KCNC4: variants seen among roughly 807,000 people sequenced by gnomAD.
The protein encoded by KCNC4 is potassium voltage-gated channel subfamily C member 4.
KCNC4 carries 23 observed loss-of-function variants against 42.8 expected under a neutral mutation model. That is an observed-to-expected ratio of 0.54 (90% CI 0.39 to 0.76). The LOEUF (loss-of-function observed/expected upper bound fraction) is 0.76. Among genes scored for constraint, KCNC4 ranks in the 30% least tolerant of loss-of-function variants. The pLI is 0.00. For synonymous variants in KCNC4, 422 were observed against 393.5 expected (o/e 1.07, Z -0.86); for missense variants, 751 against 898.2 (o/e 0.84, Z 2.10).
At chr1:110,259,539 G>T (rs1302229285) in intron 1 of KCNC4, among the ~76,000 whole-genome samples, 1 of 152,180 alleles carries the variant, frequency 6.6e-6, no homozygotes, top group East Asian at 1.9e-4. Flanking sequence ...TGAAATGTAG[G>T]TTCAGGGCTC....
Position 110,211,268 on chromosome 1 carries a change from C to G in KCNC4, c.-232C>G, listed in dbSNP as rs1402956007. The G allele has an allele frequency of 5.2e-6, 3 of 581,934 alleles. No individual in the cohort carries two copies. In the African/African-American group the frequency reaches 5.7e-5, roughly 11 times the overall value. 36.0% of individuals were successfully genotyped at this position (581,934 alleles called of 1,614,324 possible). On this transcript the variant is annotated 5_prime_UTR_variant, in exon 1 of 4. Transcript: ENST00000438661. This position sits in a 1 kb window ranked among gnomAD's most constrained non-coding sequence, Gnocchi z 6.5. ...GGGTCCTCCCTCTCTGCGCCTCCCT[C>G]TCTCCGGAGCTTCCTGCCCTAACCC...
intron 2 of KCNC4, chr1:110,225,773 G>A: frequency 1.8e-6 from 1 of 569,450 alleles, no homozygotes; most frequent in Non-Finnish European, 3.1e-6. Context: ...AGGCTGGGAG[G>A]GAAGTCAGTC....
At chr1:110,266,778 C>G (rs1360522161) in intron 1 of KCNC4, among the ~76,000 whole-genome samples, 1 of 152,180 alleles carries the variant, frequency 6.6e-6, no homozygotes, top group East Asian at 1.9e-4. Context: ...GTCTTGGCAT[C>G]TGTACCCCAA....
chr1:110,267,437 C>T (rs1452585071), intron 1 of KCNC4, among the ~76,000 whole-genome samples: 1 of 152,152 alleles, frequency 6.6e-6, no homozygotes, highest in African/African-American at 2.4e-5. Flanking sequence ...CCGCTGCCTC[C>T]ATGTCCTTCT....
chr1:110,223,385 T>A lies in KCNC4; in HGVS notation c.1100T>A (p.Leu367Gln). Residue 367 changes from leucine (L) to glutamine (Q), a missense_variant, in exon 2 of 4, where the codon CTA becomes CAA. By Grantham distance (113) the Leu-to-Gln change is moderately radical. Around this residue, in one of 4 missense-constraint regions of KCNC4, gnomAD observed 185 missense variants for 293.7 expected, o/e 0.63. Transcript: ENST00000438661. The surrounding 1 kb of genome is among the most constrained non-coding windows in gnomAD (Gnocchi z 7.5). ...IFKLTRHFVGLRVLGHTLRAS... is the reference protein window; with the variant it reads ...IFKLTRHFVGQRVLGHTLRAS... Reference sequence around the variant, plus strand: ...AAGCTCACACGCCACTTCGTGGGGCTACGCGTGCTGGGCCACACCCTGAGG... The same window carrying A: ...AAGCTCACACGCCACTTCGTGGGGCAACGCGTGCTGGGCCACACCCTGAGG... 6.8e-6 allele frequency: 11 copies of A among 1,613,932 alleles called. No individual in the cohort carries two copies. Among genetic ancestry groups the A allele is most frequent in the Non-Finnish European group, 9.3e-6 (11 of 1,179,962 alleles).
exon 2 of KCNC4, chr1:110,282,602 G>A (rs1659846221): frequency 1.3e-5 from 2 of 152,316 alleles, no homozygotes; most frequent in African/African-American, 4.8e-5. Flanking sequence ...CTGCTCTGCA[G>A]GCATGTGGCC....
downstream of KCNC4, among the ~76,000 whole-genome samples, chr1:110,249,617 G>C (rs1659217079): frequency 6.6e-6 from 1 of 152,120 alleles, no homozygotes. Flanking sequence ...TGATAATTAG[G>C]CATCAAGCTC....
At chr1:110,242,385 T>C (rs1659049156) in exon 4 of KCNC4, 1 of 152,308 alleles carries the variant, frequency 6.6e-6, no homozygotes, top group Non-Finnish European at 1.5e-5. Context: ...TTTGTGCTCT[T>C]GGATGAAACT....
intron 1 of KCNC4, among the ~76,000 whole-genome samples, chr1:110,255,753 T>G (rs1659319315): frequency 6.6e-6 from 1 of 152,124 alleles, no homozygotes; most frequent in African/African-American, 2.4e-5. Context: ...GGCCACAGCT[T>G]TCTCTCCTGA....
intron 1 of KCNC4, among the ~76,000 whole-genome samples, chr1:110,215,033 G>A (rs1467269870): frequency 2.6e-5 from 4 of 152,248 alleles, no homozygotes; most frequent in African/African-American, 7.2e-5. Context: ...GGAAGGGCCC[G>A]CAGCACTGTG....
chr1:110,215,628 C>T (rs913408752), intron 1 of KCNC4, among the ~76,000 whole-genome samples: 1 of 152,170 alleles, frequency 6.6e-6, no homozygotes, highest in Non-Finnish European at 1.5e-5. Flanking sequence ...GGAGGGGACC[C>T]ACAGGAACTC....
At chr1:110,214,897 G>A (rs910282027) in intron 1 of KCNC4, among the ~76,000 whole-genome samples, 17 of 152,172 alleles carry the variant, frequency 1.1e-4, no homozygotes, top group African/African-American at 4.1e-4. Context: ...ATGCCATGCG[G>A]GGAGTTCTGG....
chr1:110,226,279 G>T, intron 3 of KCNC4, 101 bp downstream of exon 3: 1 of 948,942 alleles, frequency 1.1e-6, no homozygotes, highest in Non-Finnish European at 1.7e-6. Flanking sequence ...TGAGACCGTG[G>T]CCGCCATCTC....
In KCNC4 at chr1:110,211,991, G is replaced by A; in HGVS notation, c.492G>A (p.Pro164=). 6.2e-7 allele frequency: 1 copy of A among 1,608,834 alleles called. No individual in the cohort carries two copies. The change falls in exon 1 of 4, where the codon CCG becomes CCA. Residue 164 remains proline, a synonymous_variant. Coordinates refer to ENST00000438661, the MANE Select transcript of KCNC4 (RefSeq NM_001039574.3). This position sits in a 1 kb window ranked among gnomAD's most constrained non-coding sequence, Gnocchi z 6.5. ...AEEALDIFES[P]DGGGSGAGPS... is the part of the protein sequence containing the mutation. ...AGGCGCTCGACATCTTCGAGAGCCC[G>A]GACGGAGGCGGCAGCGGCGCGGGGC...
In KCNC4 at chr1:110,211,683, C is replaced by T; in HGVS notation, c.184C>T (p.Leu62Phe). Residue 62 changes from leucine (L) to phenylalanine (F), a missense_variant, in exon 1 of 4, where the codon CTC becomes TTC. Physicochemically the swap from Leu to Phe is conservative, Grantham distance 22. This residue lies in a region of KCNC4 where 183 missense variants were observed against 255.8 expected (regional missense o/e 0.72). Transcript: ENST00000438661. The surrounding 1 kb of genome is among the most constrained non-coding windows in gnomAD (Gnocchi z 6.5). ...STLRTLPGTR[L>F]AWLADPDGGG... ...CCTGCGCACCCTACCGGGAACCCGC[C>T]TCGCCTGGCTGGCCGACCCCGACGG... is the stretch of plus-strand genomic sequence containing the variant. The T allele has an allele frequency of 1.9e-6, 3 of 1,611,564 alleles. No homozygotes were observed. The highest frequency in any genetic ancestry group is 2.5e-6 in the Non-Finnish European group (3 of 1,178,968).
chr1:110,231,426 C>T (rs891164394), intron 3 of KCNC4, among the ~76,000 whole-genome samples: 3 of 152,180 alleles, frequency 2.0e-5, no homozygotes, highest in African/African-American at 7.2e-5. Context: ...TCCATGGAAG[C>T]CAGTGGAAAA....
rs1259940210 is a variant in KCNC4 at position 110,210,709 on chromosome 1, C to T, written c.-791C>T. 2.0e-5 allele frequency among the ~76,000 whole-genome samples: 3 copies of T among 151,296 alleles called. No homozygotes were observed. Among genetic ancestry groups the T allele is most frequent in the Admixed American group, 6.6e-5 (1 of 15,184 alleles). ...GAGGCACCCCCGCCCCAGCGCGGCC[C>T]CCGCAGCGCTGCGCCCGGTCCGGCG... On this transcript the variant is annotated 5_prime_UTR_variant, in exon 1 of 4. Coordinates refer to ENST00000438661, the MANE Select transcript of KCNC4 (RefSeq NM_001039574.3).
chr1:110,211,587 G>A lies in KCNC4; in HGVS notation c.88G>A (p.Ala30Thr), dbSNP rs374585082. 6.2e-7 allele frequency: 1 copy of A among 1,614,102 alleles called. No homozygotes were observed. The highest frequency in any genetic ancestry group is 1.3e-5 in the African/African-American group (1 of 75,062). ...CAAAACATGTCTGAAGGAGGAGATG[G>A]CCAAGGGCGAGGCGTCGGAGAAGAT... Reference protein sequence around the residue: ...PSKTCLKEEMAKGEASEKIII... With the variant: ...PSKTCLKEEMTKGEASEKIII... The change falls in exon 1 of 4, where the codon GCC becomes ACC. Residue 30 changes from alanine to threonine, a missense_variant. By Grantham distance (58) the Ala-to-Thr change is moderately conservative. Transcript: ENST00000438661. This position sits in a 1 kb window ranked among gnomAD's most constrained non-coding sequence, Gnocchi z 6.5.
At chr1:110,279,350 A>C (rs905914061) in intron 1 of KCNC4, among the ~76,000 whole-genome samples, 7 of 152,208 alleles carry the variant, frequency 4.6e-5, no homozygotes, top group African/African-American at 7.2e-5. Context: ...TAATGAATGA[A>C]ATGAGATTCT....
Sources: gnomAD v4.1 joint callset for allele counts (sites outside exome capture counted in the v4.1 genomes callset) on GRCh38, gnomAD v4.1.1 for gene constraint, gnomAD v4.1.1 regional missense constraint, Gnocchi (gnomAD v3.1) non-coding constraint, MANE v1.5 for transcripts, NCBI Gene and HGNC (gene_info 2026-07-23, HGNC 2026-07-21) for gene names.